Variants in MUC22 observed in about 807,000 individuals in gnomAD.
The protein encoded by MUC22 is mucin 22.
In MUC22, 24 loss-of-function variants were observed where a neutral mutation model predicts 40.3. The ratio of observed to expected loss-of-function variants is 0.60; its 90% confidence interval spans 0.43 to 0.84. The LOEUF (loss-of-function observed/expected upper bound fraction) is 0.84. MUC22 is among the 40% of genes least tolerant of loss of function. The pLI is 0.00. For missense variants in MUC22, 1,926 were observed against 2,130.7 expected, an observed-to-expected ratio of 0.90 and a Z score of 1.89; for synonymous variants, 765 against 844.5, an observed-to-expected ratio of 0.91 and a Z score of 1.63.
chr6:31,031,140 C>T (rs111673650), intron 2 of MUC22, among the ~76,000 whole-genome samples: 17,315 of 152,166 alleles, frequency 0.11, 1,143 homozygotes, highest in Middle Eastern at 0.17. Context: ...TGTTTGTGAT[C>T]CCATTTTAAC....
rs536784700 is a variant in MUC22 at position 31,015,701 on chromosome 6, C to T, written c.70+4925C>T. Reference sequence around the variant, plus strand: ...TGAAGTCTGATATTTAGATTACTGACCTCTTGTAAAAGACCCATTCTTTTT... The same window carrying T: ...TGAAGTCTGATATTTAGATTACTGATCTCTTGTAAAAGACCCATTCTTTTT... On this transcript the variant is annotated intron_variant, in intron 1 of 3. Transcript: ENST00000561890. Among the ~76,000 whole-genome samples, 9 of 152,294 alleles carry T rather than the reference C, an allele frequency of 5.9e-5. No individual in the cohort carries two copies. In the East Asian group the frequency reaches 1.3e-3, roughly 23 times the overall value.
At chr6:31,020,692 G>C (rs1481736774) in intron 1 of MUC22, among the ~76,000 whole-genome samples, 2 of 152,152 alleles carry the variant, frequency 1.3e-5, no homozygotes, top group Admixed American at 6.5e-5. Flanking sequence ...GGCCAGAGCC[G>C]GCTCCCTCAG....
rs1352561967 is a variant in MUC22, at chr6:31,029,955, T to A, written c.4524T>A (p.Thr1508=). ...CTGCAAGCTTGGAGCCCACTGCAAC[T>A]TCCCTCACAGGCTCTGAGACCACCA... Residue 1508 remains threonine (T), a synonymous_variant, in exon 2 of 4, where the codon ACT becomes ACA. Transcript: ENST00000561890. The A allele has an allele frequency of 3.3e-6, 5 of 1,509,246 alleles. No homozygotes were observed. In the South Asian group the frequency reaches 6.2e-5, roughly 19 times the overall value. The allele number at this position is 1,509,246 out of a possible 1,614,324, so 93.5% of individuals were successfully genotyped here.
At chr6:31,033,430 A>AAT (rs1766225006) in intron 3 of MUC22, among the ~76,000 whole-genome samples, 1 of 152,218 alleles carries the variant, frequency 6.6e-6, no homozygotes, top group Non-Finnish European at 1.5e-5. Flanking sequence ...TCTGGTCCTC[A>AAT]CAGCAATTCC....
intron 1 of MUC22, among the ~76,000 whole-genome samples, chr6:31,012,785 CGCCGTCTCACCCTCCT>C (rs57091234): frequency 0.11 from 17,050 of 152,016 alleles, 1,235 homozygotes; most frequent in East Asian, 0.32. Context: ...GAATGCTGGG[CGCCGTCTCACCCTCCT>C]GCCGTCTCAG....
Position 31,011,906 on chromosome 6 carries a change from C to T in MUC22, c.70+1130C>T, listed in dbSNP as rs1362198515. 6.6e-6 allele frequency among the ~76,000 whole-genome samples: 1 copy of T among 152,110 alleles called. No individual in the cohort carries two copies. Among genetic ancestry groups the T allele is most frequent in the Non-Finnish European group, 1.5e-5 (1 of 68,026 alleles). On this transcript the variant is annotated intron_variant, in intron 1 of 3. Transcript: ENST00000561890. The surrounding 1 kb of genome is among the most constrained non-coding windows in gnomAD (Gnocchi z 4.5). ...TTCGGATGCTGCCTGATTCCAAATC[C>T]ATGTATAATCCCCTGAGAACTTCCC...
Position 31,032,182 on chromosome 6 carries a change from G to A in MUC22, c.4670-14G>A, listed in dbSNP as rs556384019. The A allele has an allele frequency of 2.6e-6, 4 of 1,525,686 alleles. No homozygotes were observed. In the African/African-American group the frequency reaches 5.5e-5, roughly 21 times the overall value. The allele number at this position is 1,525,686 out of a possible 1,614,324, so 94.5% of individuals were successfully genotyped here. On this transcript the variant is annotated splice_polypyrimidine_tract_variant and intron_variant, in intron 2 of 3. Transcript: ENST00000561890. This position sits in a 1 kb window ranked among gnomAD's most constrained non-coding sequence, Gnocchi z 4.1. Reference sequence around the variant, plus strand: ...CTGCTACAAATGCATCATCTTGTGTGACCTGTTTCATAGGCACCAGAACCA... The same window carrying A: ...CTGCTACAAATGCATCATCTTGTGTAACCTGTTTCATAGGCACCAGAACCA...
upstream of MUC22, among the ~76,000 whole-genome samples, chr6:31,008,661 G>A (rs2150735185): frequency 6.7e-6 from 1 of 149,182 alleles, no homozygotes; most frequent in African/African-American, 2.5e-5. Context: ...CAATTCTCCT[G>A]CCTCAGCCTC....
exon 2 of MUC22, chr6:31,029,422 G>A (rs751808306): frequency 4.6e-5 from 70 of 1,528,522 alleles, no homozygotes; most frequent in Non-Finnish European, 5.4e-5. Context: ...AGCCTCTACC[G>A]CAGATTTGGA....
At chr6:31,014,740 G>A (rs1255880593) in intron 1 of MUC22, among the ~76,000 whole-genome samples, 1 of 152,210 alleles carries the variant, frequency 6.6e-6, no homozygotes, top group Non-Finnish European at 1.5e-5. Flanking sequence ...CAGTCATTCA[G>A]GGATCCTGGG....
At chr6:31,010,612 C>T (rs1340143804) in exon 1 of MUC22, 2 of 683,566 alleles carry the variant, frequency 2.9e-6, no homozygotes, top group Non-Finnish European at 5.3e-6. Context: ...TATCAAGGCC[C>T]AGGGGGTTTG....
chr6:31,027,578 C>T, exon 2 of MUC22: 1 of 1,527,376 alleles, frequency 6.5e-7, no homozygotes, highest in African/African-American at 1.4e-5. Context: ...TCTGAGACCA[C>T]TACAGTCACT....
intron 1 of MUC22, among the ~76,000 whole-genome samples, chr6:31,018,178 T>TA (rs1331959211): frequency 6.6e-6 from 1 of 152,234 alleles, no homozygotes; most frequent in Non-Finnish European, 1.5e-5. Context: ...CTGGGATTAC[T>TA]GATCTAGAGT....
At position 31,026,371 on chromosome 6, in the gene MUC22, G is replaced by C. The variant is rs947214917; in HGVS notation, c.940G>C (p.Gly314Arg). ...TCAGACCACCATAGTCTCTATTTCA[G>C]GTTCTGAGATCACCACCACCTCTAC... is the stretch of plus-strand genomic sequence containing the variant. The change falls in exon 2 of 4, where the codon GGT becomes CGT. Residue 314 changes from glycine to arginine, a missense_variant. Physicochemically the swap from Gly to Arg is moderately radical, Grantham distance 125 (BLOSUM62 -2). Around this residue, in one of 3 missense-constraint regions of MUC22, gnomAD observed 1,281 missense variants for 1,337.8 expected, o/e 0.96. Coordinates refer to ENST00000561890, the Ensembl canonical transcript of MUC22. The C allele has an allele frequency of 4.0e-5, 61 of 1,506,912 alleles. 6 individuals carry two copies. The highest frequency in any genetic ancestry group is 5.0e-5 in the Non-Finnish European group (57 of 1,128,846). 93.3% of individuals were successfully genotyped at this position (1,506,912 alleles called of 1,614,324 possible).
chr6:31,020,441 CTTTTT>C (rs3084519), intron 1 of MUC22, among the ~76,000 whole-genome samples: 3 of 126,710 alleles, frequency 2.4e-5, no homozygotes, highest in African/African-American at 2.9e-5. Context: ...TGGAAATTGA[CTTTTT>C]TTTTTTTTTT....
chr6:31,017,146 AC>A (rs1019943187), intron 1 of MUC22, among the ~76,000 whole-genome samples: 4 of 152,172 alleles, frequency 2.6e-5, no homozygotes, highest in African/African-American at 9.7e-5. Flanking sequence ...GCTTTGCGGC[AC>A]CCGGTCCCAT....
At position 31,028,871 on chromosome 6, in the gene MUC22, C is replaced by A. The variant is rs1162982982; in HGVS notation, c.3440C>A (p.Thr1147Asn). ...TCTACTGAAGGCTCTGAGACTACCA[C>A]CACCTCTACTGAAGGCTCTGAGACC... The change falls in exon 2 of 4, where the codon ACC (threonine) becomes AAC (asparagine). Residue 1147 changes from threonine to asparagine, a missense_variant. Thr to Asn is a moderately conservative substitution (Grantham distance 65). Coordinates refer to ENST00000561890, the Ensembl canonical transcript of MUC22. 1.3e-6 allele frequency: 2 copies of A among 1,532,884 alleles called. No homozygotes were observed. Among genetic ancestry groups the A allele is most frequent in the South Asian group, 1.2e-5 (1 of 83,878 alleles). The allele number at this position is 1,532,884 out of a possible 1,614,324, so 95.0% of individuals were successfully genotyped here. A position where few individuals can be genotyped will look rare whatever the true frequency, so the allele number is the denominator to read the frequency against.
exon 2 of MUC22, chr6:31,027,972 A>G: frequency 6.5e-7 from 1 of 1,533,042 alleles, no homozygotes; most frequent in South Asian, 1.2e-5. Flanking sequence ...AGACCACCAC[A>G]GTCTCTACTG....
chr6:31,014,465 T>C (rs1400816182), intron 1 of MUC22, among the ~76,000 whole-genome samples: 4 of 152,222 alleles, frequency 2.6e-5, no homozygotes, highest in Admixed American at 2.6e-4. Context: ...TCAGCAACAT[T>C]CTGGAAATTC....
Sources: allele counts gnomAD v4.1 joint callset (sites outside exome capture counted in the v4.1 genomes callset), GRCh38; gene constraint gnomAD v4.1.1; regional missense constraint gnomAD v4.1.1; non-coding constraint Gnocchi (gnomAD v3.1); transcripts MANE v1.5; gene names NCBI Gene and HGNC (gene_info 2026-07-23, HGNC 2026-07-21).